LRRC36: variants seen among roughly 807,000 people sequenced by gnomAD.
LRRC36 encodes leucine rich repeat containing 36, also known as leucine-rich repeat-containing protein 36.
A neutral mutation model predicts 81.1 loss-of-function variants in LRRC36; 62 were observed. The observed-to-expected ratio is 0.76, with a 90% confidence interval of 0.62 to 0.94. The LOEUF is 0.94. Among genes scored for constraint, LRRC36 ranks in the 40% least tolerant of loss-of-function variants. LRRC36 has a pLI of 0.00. For synonymous variants in LRRC36, 334 were observed against 348.6 expected (o/e 0.96, Z 0.47); for missense variants, 761 against 881.7 (o/e 0.86, Z 1.73).
Position 67,367,192 on chromosome 16 carries a change from C to T in LRRC36, c.930C>T (p.Cys310=), listed in dbSNP as rs746963140. 3.1e-6 allele frequency: 5 copies of T among 1,614,094 alleles called. No homozygotes were observed. In the South Asian group the frequency reaches 5.5e-5, roughly 18 times the overall value. Reference sequence around the variant, plus strand: ...CCCATGATGCCTCATTGAGTAAATGCCTGGATGTGGGTGATTCTAGCCAGA... The same window carrying T: ...CCCATGATGCCTCATTGAGTAAATGTCTGGATGTGGGTGATTCTAGCCAGA... ...HLTHDASLSK[C]LDVGDSSQIH... The change falls in exon 8 of 14, where the codon TGC becomes TGT. Residue 310 remains cysteine (C), a synonymous_variant. Coordinates refer to ENST00000329956, the MANE Select transcript of LRRC36 (RefSeq NM_018296.6).
intron 1 of LRRC36, among the ~76,000 whole-genome samples, chr16:67,330,715 A>C (rs995090332): frequency 2.0e-5 from 3 of 152,068 alleles, no homozygotes; most frequent in Admixed American, 6.6e-5. Context: ...TACAAAAAAA[A>C]TTAGCCCGGC....
intron 3 of LRRC36, among the ~76,000 whole-genome samples, 156 bp downstream of exon 3, chr16:67,346,604 C>T (rs537511471): frequency 7.9e-5 from 12 of 152,166 alleles, no homozygotes; most frequent in South Asian, 2.1e-4. Flanking sequence ...GGATGTATGA[C>T]GAGTTCTTTT....
chr16:67,344,771 T>C (rs1409619722), intron 2 of LRRC36, among the ~76,000 whole-genome samples: 1 of 151,924 alleles, frequency 6.6e-6, no homozygotes, highest in Non-Finnish European at 1.5e-5. Flanking sequence ...AAAAAACAAA[T>C]ACAAAACAGA....
chr16:67,371,003 C>A lies in LRRC36; in HGVS notation c.1255C>A (p.Gln419Lys), dbSNP rs1186055573. Residue 419 changes from glutamine to lysine, a missense_variant, in exon 9 of 14, where the codon CAA (glutamine) becomes AAA (lysine). This residue lies in a region of LRRC36 where 139 missense variants were observed against 214.0 expected (regional missense o/e 0.65). Coordinates refer to ENST00000329956, the MANE Select transcript of LRRC36 (RefSeq NM_018296.6). ...TGCTGTACTTGTCAATGTAGAGCAA[C>A]AATTATCTACCAGCCTGGATGATTT... ...DPAVLVNVEQQLSTSLDDLTP... is the reference protein window; with the variant it reads ...DPAVLVNVEQKLSTSLDDLTP... 1.9e-6 allele frequency: 3 copies of A among 1,613,964 alleles called. No individual in the cohort carries two copies. The highest frequency in any genetic ancestry group is 2.5e-6 in the Non-Finnish European group (3 of 1,180,010).
At position 67,335,825 on chromosome 16, in the gene LRRC36, C is replaced by T. The variant is rs550341124; in HGVS notation, c.71-6132C>T. On this transcript the variant is annotated intron_variant, in intron 1 of 13. Coordinates refer to ENST00000329956, the MANE Select transcript of LRRC36 (RefSeq NM_018296.6). ...TTGGCTCACGGCAGCCTCCACCTCC[C>T]GGGTTCAAGCGATTCTCCTGCCTCA... Among the ~76,000 whole-genome samples, 784 of 152,062 alleles carry T rather than the reference C, an allele frequency of 5.2e-3. 4 individuals carry two copies. Among genetic ancestry groups the T allele is most frequent in the African/African-American group, 0.018 (734 of 41,462 alleles).
chr16:67,344,554 A>G (rs2038251645), intron 2 of LRRC36, among the ~76,000 whole-genome samples: 1 of 152,168 alleles, frequency 6.6e-6, no homozygotes, highest in Non-Finnish European at 1.5e-5. Context: ...TGTTCATGCC[A>G]CTACACTCCA....
At chr16:67,328,327 C>T (rs566577275) in intron 1 of LRRC36, among the ~76,000 whole-genome samples, 111 of 152,084 alleles carry the variant, frequency 7.3e-4, no homozygotes, top group Non-Finnish European at 1.3e-3. Context: ...CTGGCTAACA[C>T]AGTGAAACCC....
intron 2 of LRRC36, 90 bp from the exon 3 acceptor site, chr16:67,346,166 G>T: frequency 1.1e-6 from 1 of 871,624 alleles, no homozygotes; most frequent in Non-Finnish European, 1.7e-6. Flanking sequence ...CATGTTTAAG[G>T]ACGGAAAGTA....
Position 67,385,072 on chromosome 16 carries a change from C to G in LRRC36, c.2248C>G (p.Pro750Ala). The G allele has an allele frequency of 6.2e-7, 1 of 1,613,762 alleles. No homozygotes were observed. The highest frequency in any genetic ancestry group is 1.1e-5 in the South Asian group (1 of 91,060). Residue 750 changes from proline to alanine, a missense_variant, in exon 14 of 14, where the codon CCA (proline) becomes GCA (alanine). Transcript: ENST00000329956. Reference sequence around the variant, plus strand: ...AATACAGAGCGTCTTGGATGCTGCCCCAGAGCCTGGCTTATAGAGCTAGCA... The same window carrying G: ...AATACAGAGCGTCTTGGATGCTGCCGCAGAGCCTGGCTTATAGAGCTAGCA... ...YLIQSVLDAA[P>A]EPGL is the part of the protein sequence containing the mutation.
chr16:67,357,268 G>C (rs1377285748), intron 5 of LRRC36, among the ~76,000 whole-genome samples: 1 of 152,170 alleles, frequency 6.6e-6, no homozygotes, highest in Non-Finnish European at 1.5e-5. Context: ...AGGTTACTAA[G>C]ATTACATGGA....
intron 5 of LRRC36, among the ~76,000 whole-genome samples, chr16:67,358,037 G>A (rs2038977641): frequency 6.6e-6 from 1 of 152,056 alleles, no homozygotes; most frequent in African/African-American, 2.4e-5. Context: ...GATATATTTT[G>A]TATCTGAAGA....
chr16:67,370,883 T>C, intron 8 of LRRC36, 61 bp from the exon 9 acceptor site: 1 of 1,425,430 alleles, frequency 7.0e-7, no homozygotes, highest in Non-Finnish European at 9.7e-7. Context: ...AAGGTATGGA[T>C]AGAAGTGAGA....
chr16:67,346,078 C>T (rs866629747), intron 2 of LRRC36, among the ~76,000 whole-genome samples, 178 bp from the exon 3 acceptor site: 1 of 152,146 alleles, frequency 6.6e-6, no homozygotes, highest in South Asian at 2.1e-4. Context: ...ACCCAGTGCT[C>T]ATGGACTGCA....
At chr16:67,354,056 G>T (rs1168555122) in intron 5 of LRRC36, among the ~76,000 whole-genome samples, 1 of 151,986 alleles carries the variant, frequency 6.6e-6, no homozygotes. Flanking sequence ...ACTCCCCTAA[G>T]CTCTATCTGT....
chr16:67,344,587 C>G (rs1213784902), intron 2 of LRRC36, among the ~76,000 whole-genome samples: 1 of 152,026 alleles, frequency 6.6e-6, no homozygotes, highest in Non-Finnish European at 1.5e-5. Flanking sequence ...GAGCAAGATC[C>G]TCTCAGAAAA....
chr16:67,366,197 G>T (rs549528035), intron 7 of LRRC36, among the ~76,000 whole-genome samples: 3 of 151,644 alleles, frequency 2.0e-5, no homozygotes, highest in Non-Finnish European at 4.4e-5. Flanking sequence ...CTGTTGCCCA[G>T]GCTGGAGTAC....
chr16:67,362,287 C>A, intron 5 of LRRC36: 1 of 422,538 alleles, frequency 2.4e-6, no homozygotes, highest in African/African-American at 2.1e-5. Context: ...CTCAGCCTAG[C>A]GAGCAGCTGG....
At chr16:67,360,549 T>C (rs982065214) in intron 5 of LRRC36, among the ~76,000 whole-genome samples, 4 of 152,210 alleles carry the variant, frequency 2.6e-5, no homozygotes, top group African/African-American at 9.6e-5. Flanking sequence ...CTGCTTCACC[T>C]TGTTTCTTCT....
chr16:67,371,381 C>G, intron 9 of LRRC36, 139 bp downstream of exon 9: 1 of 1,004,804 alleles, frequency 1.0e-6, no homozygotes, highest in Non-Finnish European at 1.5e-6. Flanking sequence ...GTGGCTAATA[C>G]TGCCAAGCTA....
Sources: allele counts gnomAD v4.1 joint callset (sites outside exome capture counted in the v4.1 genomes callset), GRCh38; gene constraint gnomAD v4.1.1; regional missense constraint gnomAD v4.1.1; transcripts MANE v1.5; gene names NCBI Gene and HGNC (gene_info 2026-07-23, HGNC 2026-07-21).